Variants in VANGL2 observed in about 807,000 individuals in gnomAD.
The protein encoded by VANGL2 is VANGL planar cell polarity protein 2.
Under a neutral mutation model 50.2 loss-of-function variants are expected in VANGL2, and 14 were observed. The ratio of observed to expected loss-of-function variants is 0.28; its 90% CI spans 0.18 to 0.44. The LOEUF (loss-of-function observed/expected upper bound fraction) is 0.44. Among genes scored for constraint, VANGL2 ranks in the 20% least tolerant of loss-of-function variants. The pLI, the probability that VANGL2 is intolerant of heterozygous loss-of-function variation, is 1.00. For synonymous variants in VANGL2, 295 were observed against 297.2 expected (o/e 0.99, Z 0.08); for missense variants, 533 against 701.5 (o/e 0.76, Z 2.71).
chr1:160,415,433 A>C (rs1216229458), intron 1 of VANGL2, among the ~76,000 whole-genome samples: 1 of 152,154 alleles, frequency 6.6e-6, no homozygotes, highest in African/African-American at 2.4e-5. Flanking sequence ...ATCTTCCCCC[A>C]TGCCTGAGTC....
Position 160,415,910 on chromosome 1 carries a change from T to C in VANGL2, c.71+2T>C. The C allele has an allele frequency of 6.2e-7, 1 of 1,613,992 alleles. No homozygotes were observed. The highest frequency in any genetic ancestry group is 8.5e-7 in the Non-Finnish European group (1 of 1,179,994). On this transcript the variant is annotated splice_donor_variant, in intron 2 of 7. Transcript: ENST00000368061. LOFTEE classifies it high-confidence loss of function. Reference sequence around the variant, plus strand: ...CTCCCGCAGCTCCCGCAAGCACAGGTGGGCAGGCATGCAGGGTGACATGCG... The same window carrying C: ...CTCCCGCAGCTCCCGCAAGCACAGGCGGGCAGGCATGCAGGGTGACATGCG...
At chr1:160,416,953 G>A (rs1178427647) in intron 3 of VANGL2, among the ~76,000 whole-genome samples, 3 of 152,120 alleles carry the variant, frequency 2.0e-5, no homozygotes, top group Non-Finnish European at 4.4e-5. Context: ...GGGAATTCCT[G>A]GGCCTTGGGA....
At chr1:160,409,008 G>A (rs1650784788) in intron 1 of VANGL2, among the ~76,000 whole-genome samples, 1 of 152,250 alleles carries the variant, frequency 6.6e-6, no homozygotes, top group Non-Finnish European at 1.5e-5. Context: ...GTAGATGGAT[G>A]GGTGCAGGAA....
intron 3 of VANGL2, among the ~76,000 whole-genome samples, chr1:160,418,774 C>T (rs965536361): frequency 3.3e-5 from 5 of 152,302 alleles, no homozygotes; most frequent in African/African-American, 2.4e-5. Flanking sequence ...CCCGAGGGCT[C>T]GGGTCTTGGA....
intron 1 of VANGL2, among the ~76,000 whole-genome samples, chr1:160,410,442 C>G (rs1571238756): frequency 6.6e-6 from 1 of 152,154 alleles, no homozygotes; most frequent in African/African-American, 2.4e-5. Flanking sequence ...TACCTCACCC[C>G]AGGCCTAAAG....
intron 1 of VANGL2, among the ~76,000 whole-genome samples, chr1:160,411,593 C>T (rs529304765): frequency 3.3e-5 from 5 of 152,050 alleles, no homozygotes; most frequent in African/African-American, 1.2e-4. Flanking sequence ...TCTCAGAAGT[C>T]GGGTTCATTT....
chr1:160,418,860 A>T, intron 3 of VANGL2, 142 bp from the exon 4 acceptor site: 1 of 1,069,176 alleles, frequency 9.4e-7, no homozygotes, highest in Non-Finnish European at 1.3e-6. Flanking sequence ...GTATTTGTTG[A>T]TTACCCTCTC....
rs892869706 is a variant in VANGL2 at position 160,419,686 on chromosome 1, G to T, written c.800+77G>T. ...GTGGAGTGACTGCTAGGGTGGGAGG[G>T]TATGATGGTGGGCTGGAGGTGATGG... On this transcript the variant is annotated intron_variant, in intron 4 of 7. Coordinates refer to ENST00000368061, the MANE Select transcript of VANGL2 (RefSeq NM_020335.3). The surrounding 1 kb of genome is among the most constrained non-coding windows in gnomAD (Gnocchi z 5.8). The T allele has an allele frequency of 6.4e-7, 1 of 1,550,990 alleles. No individual in the cohort carries two copies. Among genetic ancestry groups the T allele is most frequent in the Non-Finnish European group, 8.6e-7 (1 of 1,156,970 alleles).
chr1:160,405,446 C>G (rs1256031139), intron 1 of VANGL2, among the ~76,000 whole-genome samples: 1 of 152,138 alleles, frequency 6.6e-6, no homozygotes, highest in Admixed American at 6.5e-5. Flanking sequence ...CTGCTTGGTA[C>G]AGAGTAGGAG....
At chr1:160,413,791 T>G (rs1650966816) in intron 1 of VANGL2, among the ~76,000 whole-genome samples, 1 of 152,104 alleles carries the variant, frequency 6.6e-6, no homozygotes, top group Non-Finnish European at 1.5e-5. Flanking sequence ...TGGATCTGAG[T>G]TCTATCTATC....
intron 1 of VANGL2, among the ~76,000 whole-genome samples, chr1:160,407,542 C>T (rs1264719464): frequency 1.3e-5 from 2 of 152,214 alleles, no homozygotes; most frequent in African/African-American, 2.4e-5. Flanking sequence ...GGCTAACTTC[C>T]CCTTCCCAAC....
intron 3 of VANGL2, among the ~76,000 whole-genome samples, chr1:160,418,222 G>C (rs1319518904): frequency 1.3e-5 from 2 of 152,112 alleles, no homozygotes; most frequent in African/African-American, 4.8e-5. Flanking sequence ...TGCCCAGCAG[G>C]ACTTCCAGAA....
rs1650513368 is a variant in VANGL2 at position 160,402,638 on chromosome 1, G to A, written c.-191+1769G>A. Among the ~76,000 whole-genome samples the A allele has an allele frequency of 2.0e-5, 3 of 152,088 alleles. 1 individual carries two copies. The highest frequency in any genetic ancestry group is 2.0e-4 in the Admixed American group (3 of 15,282). On this transcript the variant is annotated intron_variant, in intron 1 of 7. Transcript: ENST00000368061. ...AAGCATGATTGAGATGGAGCTGTGG[G>A]TGTGGGGCCAGGGCTGAGTGTCTGT...
chr1:160,414,000 A>G (rs1291775164), intron 1 of VANGL2, among the ~76,000 whole-genome samples: 1 of 152,160 alleles, frequency 6.6e-6, no homozygotes, highest in Non-Finnish European at 1.5e-5. Flanking sequence ...TCCCTTGCTC[A>G]GGCCGGGGAT....
chr1:160,423,701 C>A (rs1571248820), intron 6 of VANGL2, among the ~76,000 whole-genome samples: 1 of 152,340 alleles, frequency 6.6e-6, no homozygotes, highest in Middle Eastern at 3.4e-3. Flanking sequence ...TTGATGTAAT[C>A]ATATCTATTA....
chr1:160,411,255 A>G (rs1650872519), intron 1 of VANGL2, among the ~76,000 whole-genome samples: 3 of 151,908 alleles, frequency 2.0e-5, no homozygotes, highest in Admixed American at 2.0e-4. Flanking sequence ...GGTGAAAGGC[A>G]GTGGGGCACA....
At chr1:160,406,790 G>A (rs192209403) in intron 1 of VANGL2, among the ~76,000 whole-genome samples, 54 of 151,718 alleles carry the variant, frequency 3.6e-4, no homozygotes, top group African/African-American at 1.2e-3. Context: ...GTGCAATGGC[G>A]CGATCTTGGC....
At chr1:160,424,392 C>G (rs529492947) in intron 7 of VANGL2, 109 bp downstream of exon 7, 8 of 1,078,788 alleles carry the variant, frequency 7.4e-6, no homozygotes, top group South Asian at 1.3e-5. Context: ...CACCTCATTT[C>G]TCTCTCCTCA....
chr1:160,425,459 A>T lies in VANGL2; in HGVS notation c.*81A>T. On this transcript the variant is annotated 3_prime_UTR_variant, in exon 8 of 8. Coordinates refer to ENST00000368061, the MANE Select transcript of VANGL2 (RefSeq NM_020335.3). ...GGGCTTGGTTCTCAGGCCCAGCCAC[A>T]TTCCTGCCACCCTTCTTCTTCTTGC... The T allele has an allele frequency of 9.5e-7, 1 of 1,052,782 alleles. No individual in the cohort carries two copies. Among genetic ancestry groups the T allele is most frequent in the Non-Finnish European group, 1.3e-6 (1 of 756,200 alleles). The allele number at this position is 1,052,782 out of a possible 1,614,324, so 65.2% of individuals were successfully genotyped here.
Sources: gnomAD v4.1 joint callset for allele counts (sites outside exome capture counted in the v4.1 genomes callset) on GRCh38, gnomAD v4.1.1 for gene constraint, Gnocchi (gnomAD v3.1) non-coding constraint, MANE v1.5 for transcripts, NCBI Gene and HGNC (gene_info 2026-07-23, HGNC 2026-07-21) for gene names.